Variants in SYTL2 observed in about 807,000 individuals in gnomAD.
SYTL2 encodes the protein synaptotagmin-like protein 2.
SYTL2 carries 165 observed loss-of-function variants against 198.7 expected under a neutral mutation model. The observed-to-expected ratio is 0.83, with a 90% CI of 0.73 to 0.94. SYTL2 has a LOEUF of 0.94. Among genes scored for constraint, SYTL2 ranks in the 40% least tolerant of loss-of-function variants. SYTL2 has a pLI of 0.00. For synonymous variants in SYTL2, 966 were observed against 917.7 expected, an observed-to-expected ratio of 1.05 and a Z score of -0.95; for missense variants, 2,835 against 2,582.8, an observed-to-expected ratio of 1.10 and a Z score of -2.12.
chr11:85,719,985 G>T (rs1307727081), intron 9 of SYTL2, among the ~76,000 whole-genome samples: 1 of 152,060 alleles, frequency 6.6e-6, no homozygotes, highest in Non-Finnish European at 1.5e-5. Flanking sequence ...AATCCCAGGG[G>T]TGCATTTTAG....
At position 85,695,138 on chromosome 11, in the gene SYTL2, A is replaced by G; in HGVS notation, c.*57T>C. 1 of 1,542,868 alleles carries G rather than the reference A, an allele frequency of 6.5e-7. No homozygotes were observed. The highest frequency in any genetic ancestry group is 8.8e-7 in the Non-Finnish European group (1 of 1,136,904). The stretch of plus-strand genomic sequence containing the variant: ...TATTTGTCCACCTACTCAGATTTTC[A>G]AGATCAGATTCCACCGGTTTAGTAG... On this transcript the variant is annotated 3_prime_UTR_variant, in exon 20 of 20. Transcript: ENST00000359152.
intron 1 of SYTL2, among the ~76,000 whole-genome samples, chr11:85,783,331 A>G (rs781192377): frequency 1.3e-5 from 2 of 152,178 alleles, no homozygotes; most frequent in Non-Finnish European, 2.9e-5. Flanking sequence ...GAATAGCAGC[A>G]TAGAGGTAAC....
intron 1 of SYTL2, among the ~76,000 whole-genome samples, chr11:85,763,454 T>A (rs148332286): frequency 8.7e-4 from 133 of 152,314 alleles, no homozygotes; most frequent in African/African-American, 3.2e-3. Flanking sequence ...GGCTTCTAAC[T>A]CTAATTCCAA....
intron 15 of SYTL2, among the ~76,000 whole-genome samples, chr11:85,706,843 T>C (rs2085245041): frequency 1.4e-5 from 2 of 139,440 alleles, no homozygotes; most frequent in African/African-American, 5.6e-5. Context: ...TTGTTTTGTT[T>C]TGTTGTTTTG....
chr11:85,852,838 G>A, the SYTL2 span: 107 of 212,300 alleles, frequency 5.0e-4, no homozygotes, highest in Middle Eastern at 2.1e-3. Context: ...GCCGCCCATC[G>A]TCTGGGATGT....
chr11:85,817,902 C>CTTTT, the SYTL2 span, among the ~76,000 whole-genome samples: 5 of 109,902 alleles, frequency 4.5e-5, no homozygotes, highest in Admixed American at 9.4e-5. Flanking sequence ...TGTGTCTTTT[C>CTTTT]TTTTTTTTTT....
At chr11:85,732,621 A>G (rs2089928629) in intron 7 of SYTL2, among the ~76,000 whole-genome samples, 1 of 152,308 alleles carries the variant, frequency 6.6e-6, no homozygotes, top group African/African-American at 2.4e-5. Context: ...GAGGGACTGC[A>G]TTAGGAGAAA....
intron 1 of SYTL2, among the ~76,000 whole-genome samples, chr11:85,759,473 T>C (rs757369905): frequency 1.3e-5 from 2 of 152,154 alleles, no homozygotes; most frequent in Non-Finnish European, 2.9e-5. Flanking sequence ...CCTCACAGAT[T>C]GTAAGGATTA....
chr11:85,704,514 T>G (rs2084826084), intron 16 of SYTL2, among the ~76,000 whole-genome samples: 1 of 152,164 alleles, frequency 6.6e-6, no homozygotes, highest in Non-Finnish European at 1.5e-5. Context: ...TTGACTTAAT[T>G]GATAAATATA....
At chr11:85,698,425 C>T (rs1471569319) in intron 17 of SYTL2, among the ~76,000 whole-genome samples, 1 of 152,144 alleles carries the variant, frequency 6.6e-6, no homozygotes, top group Non-Finnish European at 1.5e-5. Flanking sequence ...ATGCATATAC[C>T]TTGCAAACAT....
chr11:85,793,261 C>T lies in SYTL2; in HGVS notation c.-390+17693G>A, dbSNP rs940712819. 3.4e-4 allele frequency among the ~76,000 whole-genome samples: 52 copies of T among 151,948 alleles called. 1 individual carries two copies. In the East Asian group the frequency reaches 9.7e-3, roughly 28 times the overall value. ...GTCCCACCAACAGTGTAGAAGTGTT[C>T]CTATTTCTCCACATCCTCTCCAGCA... On this transcript the variant is annotated intron_variant, in intron 1 of 19. Coordinates refer to ENST00000359152, the MANE Select transcript of SYTL2 (RefSeq NM_206927.4).
chr11:85,764,104 T>C (rs147132453), intron 1 of SYTL2, among the ~76,000 whole-genome samples: 1 of 152,244 alleles, frequency 6.6e-6, no homozygotes, highest in Non-Finnish European at 1.5e-5. Flanking sequence ...GTTCTTCACA[T>C]TGGCTACATT....
chr11:85,739,265 T>TC (rs1228005889), intron 4 of SYTL2, among the ~76,000 whole-genome samples: 2 of 151,540 alleles, frequency 1.3e-5, no homozygotes, highest in Non-Finnish European at 2.9e-5. Flanking sequence ...TTTTTTTTTT[T>TC]TTTTTTTTAA....
At chr11:85,739,673 C>T (rs1326180059) in intron 4 of SYTL2, among the ~76,000 whole-genome samples, 2 of 152,284 alleles carry the variant, frequency 1.3e-5, no homozygotes, top group South Asian at 4.2e-4. Flanking sequence ...CTTGCATCAT[C>T]TCTATGTTAT....
chr11:85,778,370 T>C (rs2153595540), intron 1 of SYTL2, among the ~76,000 whole-genome samples: 1 of 152,356 alleles, frequency 6.6e-6, no homozygotes, highest in East Asian at 1.9e-4. Context: ...GGAGTGGTTT[T>C]GGAGTTTGGA....
intron 17 of SYTL2, among the ~76,000 whole-genome samples, chr11:85,700,263 A>G (rs2084062355): frequency 6.6e-6 from 1 of 151,890 alleles, no homozygotes; most frequent in Non-Finnish European, 1.5e-5. Context: ...GTGTGAATAT[A>G]CTTAGCACTA....
At chr11:85,766,610 C>T (rs530555490) in intron 1 of SYTL2, among the ~76,000 whole-genome samples, 3 of 152,274 alleles carry the variant, frequency 2.0e-5, no homozygotes, top group African/African-American at 7.2e-5. Flanking sequence ...CTTCCTCTCT[C>T]CTTGGAATGG....
At position 85,700,452 on chromosome 11, in the gene SYTL2, A is replaced by G. The variant is rs896755680; in HGVS notation, c.6268+63T>C. 9 of 1,352,584 alleles carry G rather than the reference A, an allele frequency of 6.7e-6. No individual in the cohort carries two copies. The African/African-American group carries it at 1.0e-4, about 15-fold the overall frequency. The allele number at this position is 1,352,584 out of a possible 1,614,324, so 83.8% of individuals were successfully genotyped here. A position where few individuals can be genotyped will look rare whatever the true frequency, so the allele number is the denominator to read the frequency against. ...GGCCTCACCTTTGAAAACGCATAGT[A>G]AATACTGTGAGAAGGGAGGGATAAG... On this transcript the variant is annotated intron_variant, in intron 17 of 19. Transcript: ENST00000359152.
At chr11:85,846,765 G>A in the SYTL2 span, among the ~76,000 whole-genome samples, 4 of 137,456 alleles carry the variant, frequency 2.9e-5, no homozygotes, top group African/African-American at 5.5e-5. Context: ...ATGGAGTCTC[G>A]CTGTCGCCCA....
Sources: allele counts gnomAD v4.1 joint callset (sites outside exome capture counted in the v4.1 genomes callset), GRCh38; gene constraint gnomAD v4.1.1; transcripts MANE v1.5; gene names NCBI Gene and HGNC (gene_info 2026-07-23, HGNC 2026-07-21).